Variants in CADM2 observed in about 807,000 individuals in gnomAD.
CADM2 encodes the protein immunoglobulin superfamily member 4D.
Under a neutral mutation model 49.8 loss-of-function variants are expected in CADM2, and 12 were observed. The observed-to-expected ratio is 0.24, with a 90% CI of 0.15 to 0.39. CADM2 has a LOEUF of 0.39. Among genes scored for constraint, CADM2 ranks in the 10% least tolerant of loss-of-function variants. The pLI is 1.00. For missense variants in CADM2, 378 were observed against 492.3 expected (o/e 0.77, Z 2.20); for synonymous variants, 214 against 175.4 (o/e 1.22, Z -1.74).
Position 85,295,491 on chromosome 3 carries a change from T to A in CADM2, c.61+335823T>A, listed in dbSNP as rs966889935. On this transcript the variant is annotated intron_variant, in intron 1 of 9. Coordinates refer to ENST00000383699, the MANE Select transcript of CADM2 (RefSeq NM_001167675.2). ...ATGCTGCTATAAAGACACGTGCACA[T>A]GTATGTTTATTGCGGCATTATTCAC... Among the ~76,000 whole-genome samples the A allele has an allele frequency of 9.9e-5, 15 of 152,156 alleles. No individual in the cohort carries two copies. The South Asian group carries it at 2.7e-3, about 27-fold the overall frequency.
At chr3:85,637,566 C>G (rs1366965376) in intron 1 of CADM2, among the ~76,000 whole-genome samples, 2 of 135,942 alleles carry the variant, frequency 1.5e-5, no homozygotes, top group Non-Finnish European at 3.1e-5. Flanking sequence ...TGCGCCACTG[C>G]AGTCCGCAGT....
chr3:85,282,774 C>A (rs116410284), intron 1 of CADM2, among the ~76,000 whole-genome samples: 4,226 of 151,842 alleles, frequency 0.028, 178 homozygotes, highest in African/African-American at 0.096. Context: ...ACTGTAATAC[C>A]TAAAATATAT....
At chr3:85,216,391 T>G (rs2041928325) in intron 1 of CADM2, among the ~76,000 whole-genome samples, 1 of 148,208 alleles carries the variant, frequency 6.7e-6, no homozygotes, top group Non-Finnish European at 1.5e-5. Context: ...ACACTTATAT[T>G]AATTATTTAT....
chr3:85,755,579 T>G (rs1377674881), intron 2 of CADM2, among the ~76,000 whole-genome samples: 1 of 152,126 alleles, frequency 6.6e-6, no homozygotes, highest in Non-Finnish European at 1.5e-5. Context: ...GTTTAATTGG[T>G]TCACTATTCC....
At chr3:86,016,142 CTA>C (rs1313368140) in intron 8 of CADM2, among the ~76,000 whole-genome samples, 1 of 151,938 alleles carries the variant, frequency 6.6e-6, no homozygotes. Flanking sequence ...TTTTGATACA[CTA>C]TTTTTTTAGT....
chr3:85,554,942 C>T (rs1205128010), intron 1 of CADM2, among the ~76,000 whole-genome samples: 1 of 151,044 alleles, frequency 6.6e-6, no homozygotes, highest in Non-Finnish European at 1.5e-5. Context: ...TCATGAACTC[C>T]CAGCCTCAAA....
intron 1 of CADM2, among the ~76,000 whole-genome samples, chr3:85,038,209 C>A (rs114679034): frequency 2.6e-5 from 4 of 152,188 alleles, no homozygotes; most frequent in Admixed American, 6.5e-5. Context: ...AAAAGAGCAG[C>A]GTATGATCAT....
intron 1 of CADM2, among the ~76,000 whole-genome samples, chr3:85,180,383 C>T (rs2107702815): frequency 6.6e-6 from 1 of 151,868 alleles, no homozygotes; most frequent in Non-Finnish European, 1.5e-5. Context: ...GTGGCTTGAG[C>T]TTGTAATCCC....
chr3:85,838,735 T>C (rs1396057897), intron 3 of CADM2, among the ~76,000 whole-genome samples: 1 of 151,862 alleles, frequency 6.6e-6, no homozygotes, highest in African/African-American at 2.4e-5. Context: ...CTGTATCTTT[T>C]ATATTTATAC....
intron 8 of CADM2, among the ~76,000 whole-genome samples, chr3:85,996,069 G>A (rs1412336547): frequency 6.7e-5 from 10 of 148,802 alleles, no homozygotes; most frequent in East Asian, 3.9e-4. Flanking sequence ...CAGCCTGGGC[G>A]ACAGAGCAAG....
intron 1 of CADM2, among the ~76,000 whole-genome samples, chr3:85,325,710 T>C (rs2044733799): frequency 1.4e-5 from 2 of 143,262 alleles, no homozygotes; most frequent in African/African-American, 2.6e-5. Context: ...AAAAAAAAAG[T>C]GTGAATAGTG....
At chr3:85,497,069 G>A (rs577686708) in intron 1 of CADM2, among the ~76,000 whole-genome samples, 1 of 152,088 alleles carries the variant, frequency 6.6e-6, no homozygotes, top group East Asian at 1.9e-4. Context: ...GGATGGTCTC[G>A]ATCTCCTGAC....
chr3:85,743,672 A>T (rs2068488411), intron 2 of CADM2, among the ~76,000 whole-genome samples: 1 of 152,164 alleles, frequency 6.6e-6, no homozygotes, highest in South Asian at 2.1e-4. Context: ...ATATTCTACA[A>T]ACCTGTCCTC....
chr3:85,388,783 T>C (rs1312294330), intron 1 of CADM2, among the ~76,000 whole-genome samples: 1 of 151,894 alleles, frequency 6.6e-6, no homozygotes, highest in Admixed American at 6.6e-5. Flanking sequence ...ACCTCCACCA[T>C]TAAAAAAAAA....
intron 1 of CADM2, among the ~76,000 whole-genome samples, chr3:85,475,553 C>T (rs551704684): frequency 6.6e-6 from 1 of 151,870 alleles, no homozygotes; most frequent in South Asian, 2.1e-4. Flanking sequence ...TAGGATGACT[C>T]ATAACGTAGT....
At chr3:85,793,969 A>G (rs1287769504) in intron 2 of CADM2, among the ~76,000 whole-genome samples, 1 of 152,142 alleles carries the variant, frequency 6.6e-6, no homozygotes, top group African/African-American at 2.4e-5. Context: ...CTTAATATTC[A>G]AAAAATGTTA....
At chr3:85,011,659 G>T (rs946605194) in intron 1 of CADM2, among the ~76,000 whole-genome samples, 19 of 152,056 alleles carry the variant, frequency 1.2e-4, no homozygotes, top group African/African-American at 4.3e-4. Flanking sequence ...ACCTTTTGGG[G>T]GCCAACACAG....
intron 1 of CADM2, among the ~76,000 whole-genome samples, chr3:85,194,880 T>C (rs747314734): frequency 5.9e-5 from 9 of 152,012 alleles, no homozygotes; most frequent in Non-Finnish European, 1.3e-4. Flanking sequence ...AAAAAAAATC[T>C]TGAAATAGAA....
intron 1 of CADM2, among the ~76,000 whole-genome samples, chr3:85,166,241 G>T (rs897309641): frequency 2.0e-5 from 3 of 151,864 alleles, no homozygotes; most frequent in Admixed American, 6.6e-5. Context: ...TCCGTCATCC[G>T]CACTATCTCA....
Sources: gnomAD v4.1 joint callset for allele counts (sites outside exome capture counted in the v4.1 genomes callset) on GRCh38, gnomAD v4.1.1 for gene constraint, MANE v1.5 for transcripts, NCBI Gene and HGNC (gene_info 2026-07-23, HGNC 2026-07-21) for gene names.